Variants in HFM1 observed in about 807,000 individuals in gnomAD.
HFM1 encodes the protein helicase for meiosis 1, also known as probable ATP-dependent DNA helicase HFM1.
A neutral mutation model predicts 192.1 loss-of-function variants in HFM1; 169 were observed. The ratio of observed to expected loss-of-function variants is 0.88; its 90% confidence interval spans 0.78 to 1.00. The LOEUF (loss-of-function observed/expected upper bound fraction) is 1.00, where lower values mean the gene tolerates loss of function less well. Ranked by LOEUF, HFM1 falls within the 50% of genes least tolerant of loss-of-function variation. The pLI, the probability that HFM1 is intolerant of heterozygous loss-of-function variation, is 0.00. For synonymous variants in HFM1, 525 were observed against 537.8 expected (o/e 0.98, Z 0.33); for missense variants, 1,661 against 1,668.0 (o/e 1.00, Z 0.07).
At chr1:91,289,977 T>C (rs1476967572) in intron 30 of HFM1, among the ~76,000 whole-genome samples, 2 of 151,952 alleles carry the variant, frequency 1.3e-5, no homozygotes, top group Non-Finnish European at 2.9e-5. Flanking sequence ...AGAAATAAAA[T>C]CCTTTACAGA....
At position 91,343,454 on chromosome 1, in the gene HFM1, C is replaced by T; in HGVS notation, c.2311G>A (p.Glu771Lys). Residue 771 changes from glutamate to lysine, a missense_variant, in exon 20 of 39, where the codon GAA (glutamate) becomes AAA (lysine). Physicochemically the swap from Glu to Lys is moderately conservative, Grantham distance 56 (BLOSUM62 1). Coordinates refer to ENST00000370425, the MANE Select transcript of HFM1 (RefSeq NM_001017975.6). ...LSSLDLIKMDEGVNFKPTEAG... is the reference protein window; with the variant it reads ...LSSLDLIKMDKGVNFKPTEAG... ...CCAGTTGGTTTGAAATTAACACCTTCATCCATCTTTATTAAGTCCAGGGAT... is the reference window on the plus strand; with the variant it reads ...CCAGTTGGTTTGAAATTAACACCTTTATCCATCTTTATTAAGTCCAGGGAT... 1.4e-6 allele frequency: 2 copies of T among 1,444,006 alleles called. No individual in the cohort carries two copies. Among genetic ancestry groups the T allele is most frequent in the South Asian group, 1.3e-5 (1 of 75,272 alleles). The allele number at this position is 1,444,006 out of a possible 1,614,324, so 89.4% of individuals were successfully genotyped here. A position where few individuals can be genotyped will look rare whatever the true frequency, so the allele number is the denominator to read the frequency against.
In HFM1 at chr1:91,396,369, G is replaced by C; in HGVS notation, c.108C>G (p.Leu36=). 6.2e-7 allele frequency: 1 copy of C among 1,602,152 alleles called. No homozygotes were observed. The highest frequency in any genetic ancestry group is 2.2e-5 in the East Asian group (1 of 44,790). ...PDNEKSLDWF[L]PPAPLISEIP... Reference sequence around the variant, plus strand: ...TTTCTGAAATCAATGGAGCAGGAGGGAGAAACCAATCCAATGACTTTTCAT... The same window carrying C: ...TTTCTGAAATCAATGGAGCAGGAGGCAGAAACCAATCCAATGACTTTTCAT... The change falls in exon 3 of 39, where the codon CTC becomes CTG. Residue 36 remains leucine (L), a synonymous_variant. Transcript: ENST00000370425.
intron 19 of HFM1, among the ~76,000 whole-genome samples, chr1:91,345,242 A>T (rs1203926686): frequency 1.3e-5 from 2 of 152,198 alleles, no homozygotes; most frequent in African/African-American, 4.8e-5. Flanking sequence ...AGACCTGAAT[A>T]AAATGAAGGT....
chr1:91,393,891 A>G (rs1174774677), intron 4 of HFM1, among the ~76,000 whole-genome samples: 1 of 152,126 alleles, frequency 6.6e-6, no homozygotes, highest in Non-Finnish European at 1.5e-5. Flanking sequence ...CATTTATAGT[A>G]GATAGTTATA....
chr1:91,335,132 C>T (rs1396547102), intron 20 of HFM1, among the ~76,000 whole-genome samples: 1 of 152,042 alleles, frequency 6.6e-6, no homozygotes, highest in Non-Finnish European at 1.5e-5. Flanking sequence ...GTTACAAGCA[C>T]CAAGGACATG....
At chr1:91,404,471 C>T (rs560873606) in intron 1 of HFM1, 13 of 196,656 alleles carry the variant, frequency 6.6e-5, no homozygotes, top group African/African-American at 3.1e-4. Context: ...ACACAAGACA[C>T]AGGAACCGAA....
At chr1:91,405,677 G>T (rs1664768205), upstream of HFM1, among the ~76,000 whole-genome samples, 1 of 152,086 alleles carries the variant, frequency 6.6e-6, no homozygotes, top group Non-Finnish European at 1.5e-5. Context: ...TGCTGCAAGG[G>T]TTAAATAAAA....
At chr1:91,266,979 T>C (rs1665824281) in intron 35 of HFM1, among the ~76,000 whole-genome samples, 1 of 152,198 alleles carries the variant, frequency 6.6e-6, no homozygotes, top group African/African-American at 2.4e-5. Context: ...GAAATACTCT[T>C]TTAAAAACAT....
intron 20 of HFM1, chr1:91,329,217 C>CAGCT: frequency 1.2e-6 from 2 of 1,609,564 alleles, no homozygotes; most frequent in Non-Finnish European, 1.7e-6. Flanking sequence ...GGAGGCTTAC[C>CAGCT]AGCTCTTCTT....
rs572189092 is a variant in HFM1, at chr1:91,293,962, C to T, written c.3392-16900G>A. ...ACTATCGCAAGAACAAAAAACCAAA[C>T]ACCGCATATTCTCACTCATAGGTGG... On this transcript the variant is annotated intron_variant, in intron 30 of 38. Transcript: ENST00000370425. Among the ~76,000 whole-genome samples the T allele has an allele frequency of 8.5e-4, 127 of 149,378 alleles. 1 individual carries two copies. Among genetic ancestry groups the T allele is most frequent in the South Asian group, 3.6e-3 (17 of 4,720 alleles).
intron 30 of HFM1, among the ~76,000 whole-genome samples, chr1:91,291,868 T>C (rs948684733): frequency 2.6e-5 from 4 of 152,250 alleles, no homozygotes; most frequent in African/African-American, 9.6e-5. Context: ...TCAAGTGGGC[T>C]TCATCCCTGG....
intron 4 of HFM1, among the ~76,000 whole-genome samples, chr1:91,386,186 G>T (rs937736033): frequency 2.6e-5 from 4 of 152,154 alleles, no homozygotes; most frequent in Non-Finnish European, 4.4e-5. Flanking sequence ...GACTTACAAG[G>T]CTAGGTAATA....
chr1:91,376,836 T>A lies in HFM1; in HGVS notation c.1396-1109A>T, dbSNP rs117835932. ...AAATAGCCTCTGGTAGAAGTGTAAA[T>A]GAATATAACATTTATTGAAAGAAGC... On this transcript the variant is annotated intron_variant, in intron 11 of 38. Coordinates refer to ENST00000370425, the MANE Select transcript of HFM1 (RefSeq NM_001017975.6). Among the ~76,000 whole-genome samples the A allele has an allele frequency of 2.0e-4, 30 of 151,998 alleles. No individual in the cohort carries two copies. The East Asian group carries it at 5.6e-3, about 28-fold the overall frequency.
At chr1:91,338,552 T>C (rs1172537868) in intron 20 of HFM1, among the ~76,000 whole-genome samples, 3 of 152,148 alleles carry the variant, frequency 2.0e-5, no homozygotes, top group East Asian at 3.9e-4. Context: ...ACCCTGCCGA[T>C]GTGCACCCAC....
chr1:91,313,086 T>G lies in HFM1; in HGVS notation c.3391+263A>C, dbSNP rs537915292. On this transcript the variant is annotated intron_variant, in intron 30 of 38. Transcript: ENST00000370425. ...ACCTCTTTTTCTTCCCAGTCTCAGG[T>G]ATGTCTTTATCAGCAGCATGAAAAT... Among the ~76,000 whole-genome samples, 7 of 152,246 alleles carry G rather than the reference T, an allele frequency of 4.6e-5. No homozygotes were observed. The South Asian group carries it at 1.0e-3, about 23-fold the overall frequency.
intron 13 of HFM1, among the ~76,000 whole-genome samples, chr1:91,369,338 C>G (rs1258561724): frequency 6.6e-6 from 1 of 152,156 alleles, no homozygotes; most frequent in African/African-American, 2.4e-5. Context: ...AAATTGACCA[C>G]ATAGTTGGAA....
At chr1:91,381,295 T>C (rs998104204) in intron 6 of HFM1, among the ~76,000 whole-genome samples, 1 of 152,222 alleles carries the variant, frequency 6.6e-6, no homozygotes, top group African/African-American at 2.4e-5. Context: ...ACTTCTAGTT[T>C]ATCTTTTCCA....
intron 32 of HFM1, among the ~76,000 whole-genome samples, 190 bp downstream of exon 32, chr1:91,276,438 A>G (rs1229267496): frequency 6.6e-6 from 1 of 152,188 alleles, no homozygotes; most frequent in Admixed American, 6.5e-5. Flanking sequence ...ATGGAAGGAA[A>G]GAAGAAAGAT....
chr1:91,290,052 C>CAA (rs1321588865), intron 30 of HFM1, among the ~76,000 whole-genome samples: 9 of 152,048 alleles, frequency 5.9e-5, no homozygotes, highest in African/African-American at 1.9e-4. Flanking sequence ...GAAGGAAGTG[C>CAA]TAAACATGGA....
Sources: allele counts gnomAD v4.1 joint callset (sites outside exome capture counted in the v4.1 genomes callset), GRCh38; gene constraint gnomAD v4.1.1; transcripts MANE v1.5; gene names NCBI Gene and HGNC (gene_info 2026-07-23, HGNC 2026-07-21).